The following TTI1 variants were observed in gnomAD, a reference collection of about 807,000 sequenced individuals.
The protein encoded by TTI1 is TELO2 interacting protein 1.
TTI1 carries 52 observed loss-of-function variants against 85.4 expected under a neutral mutation model. The ratio of observed to expected loss-of-function variants is 0.61; its 90% CI spans 0.49 to 0.77. TTI1 has a LOEUF of 0.77. TTI1 is among the 30% of genes least tolerant of loss of function. The pLI, the probability that TTI1 is intolerant of heterozygous loss-of-function variation, is 0.00. For synonymous variants in TTI1, 512 were observed against 503.9 expected (o/e 1.02, Z -0.22); for missense variants, 1,173 against 1,296.0 (o/e 0.91, Z 1.46).
chr20:38,010,306 C>T (rs1322762449), intron 2 of TTI1, among the ~76,000 whole-genome samples: 3 of 152,126 alleles, frequency 2.0e-5, no homozygotes, highest in Non-Finnish European at 4.4e-5. Flanking sequence ...GACCATTCCA[C>T]CTTCTCAGAG....
intron 1 of TTI1, among the ~76,000 whole-genome samples, chr20:38,027,075 C>T (rs914967355): frequency 3.9e-5 from 6 of 152,104 alleles, no homozygotes; most frequent in African/African-American, 1.4e-4. Flanking sequence ...AAGTAACCCA[C>T]AGGAAGGCTA....
intron 1 of TTI1, among the ~76,000 whole-genome samples, chr20:38,024,896 T>G (rs902739077): frequency 2.0e-5 from 3 of 152,038 alleles, no homozygotes; most frequent in African/African-American, 7.2e-5. Flanking sequence ...GGACACCTAG[T>G]CAGGACTTTC....
intron 7 of TTI1, among the ~76,000 whole-genome samples, chr20:37,995,138 C>G (rs562605463): frequency 3.3e-5 from 5 of 152,120 alleles, no homozygotes; most frequent in African/African-American, 7.2e-5. Context: ...TGATTCTGTA[C>G]GGAATAAAAA....
chr20:37,996,849 G>A lies in TTI1; in HGVS notation c.2898C>T (p.Ile966=). Residue 966 remains isoleucine, a synonymous_variant, in exon 6 of 8, where the codon ATC becomes ATT. Coordinates refer to ENST00000373447, the MANE Select transcript of TTI1 (RefSeq NM_001303457.2). ...AGTAAACTGGTCCAGCCCTGGCACT[G>A]ATGGGGGCCTGGGTGACTAGGGAGC... ...LAGSLVTQAP[I]SARAGPVYSH... 6.2e-7 allele frequency: 1 copy of A among 1,614,196 alleles called. No homozygotes were observed. The highest frequency in any genetic ancestry group is 8.5e-7 in the Non-Finnish European group (1 of 1,180,024).
intron 1 of TTI1, among the ~76,000 whole-genome samples, chr20:38,028,819 C>T (rs1267315256): frequency 6.6e-6 from 1 of 152,160 alleles, no homozygotes; most frequent in African/African-American, 2.4e-5. Context: ...AGCAATCCTC[C>T]CACCTCAGCG....
Position 38,002,775 on chromosome 20 carries a change from C to T in TTI1, c.2505G>A (p.Glu835=), listed in dbSNP as rs1450257064. The T allele has an allele frequency of 5.0e-6, 8 of 1,613,694 alleles. No homozygotes were observed. The highest frequency in any genetic ancestry group is 2.7e-5 in the African/African-American group (2 of 74,910). ...GNVSDFDNEE[E]EQSVPPKVDE... is the part of the protein sequence containing the mutation. ...CCACTTTGGGAGGGACTGACTGTTC[C>T]TCTGGAAAAAGAGCACAACTGGGGG... The change falls in exon 4 of 8, where the codon GAG becomes GAA. Residue 835 remains glutamate, a splice_region_variant and synonymous_variant. Coordinates refer to ENST00000373447, the MANE Select transcript of TTI1 (RefSeq NM_001303457.2).
At chr20:38,027,258 C>T (rs1223735556) in intron 1 of TTI1, among the ~76,000 whole-genome samples, 1 of 152,074 alleles carries the variant, frequency 6.6e-6, no homozygotes, top group Non-Finnish European at 1.5e-5. Flanking sequence ...CATGCATATC[C>T]TCCCATATAT....
Position 38,007,663 on chromosome 20 carries a change from G to A in TTI1, c.2303-1266C>T, listed in dbSNP as rs531676756. 2.0e-5 allele frequency among the ~76,000 whole-genome samples: 3 copies of A among 152,342 alleles called. No homozygotes were observed. In the East Asian group the frequency reaches 5.8e-4, roughly 29 times the overall value. ...GTCCAGTGCCCTCCTTTTGCAGACA[G>A]CTGGGAAAAAAACTCTGATAACCTT... On this transcript the variant is annotated intron_variant, in intron 2 of 7. Coordinates refer to ENST00000373447, the MANE Select transcript of TTI1 (RefSeq NM_001303457.2).
chr20:38,002,775 C>A lies in TTI1; in HGVS notation c.2505G>T (p.Glu835Asp). 1.2e-6 allele frequency: 2 copies of A among 1,613,812 alleles called. No individual in the cohort carries two copies. Among genetic ancestry groups the A allele is most frequent in the Non-Finnish European group, 1.7e-6 (2 of 1,179,852 alleles). Residue 835 changes from glutamate (E) to aspartate (D), a missense_variant and splice_region_variant, in exon 4 of 8, where the codon GAG becomes GAT. Glu to Asp is a conservative substitution (Grantham distance 45). Coordinates refer to ENST00000373447, the MANE Select transcript of TTI1 (RefSeq NM_001303457.2). The part of the protein sequence containing the change: ...GNVSDFDNEE[E>D]EQSVPPKVDE... ...CCACTTTGGGAGGGACTGACTGTTC[C>A]TCTGGAAAAAGAGCACAACTGGGGG...
chr20:38,007,267 T>C (rs1469462931), intron 2 of TTI1, among the ~76,000 whole-genome samples: 1 of 152,274 alleles, frequency 6.6e-6, no homozygotes, highest in African/African-American at 2.4e-5. Context: ...ATTTCTCACA[T>C]AAAATGCTTC....
At chr20:38,018,661 A>G (rs1363512485) in intron 1 of TTI1, among the ~76,000 whole-genome samples, 1 of 152,222 alleles carries the variant, frequency 6.6e-6, no homozygotes, top group Non-Finnish European at 1.5e-5. Context: ...AAAAACAAAG[A>G]AAAAGAGGAA....
chr20:38,006,510 C>G, intron 2 of TTI1, 113 bp from the exon 3 acceptor site: 1 of 1,167,624 alleles, frequency 8.6e-7, no homozygotes. Flanking sequence ...TGATTCAGTC[C>G]CTGCCTGGCT....
intron 1 of TTI1, among the ~76,000 whole-genome samples, chr20:38,032,735 C>G (rs1450801095): frequency 6.6e-6 from 1 of 152,142 alleles, no homozygotes; most frequent in Non-Finnish European, 1.5e-5. Context: ...CCATGCCTGG[C>G]TAATTTTCGC....
At position 37,999,298 on chromosome 20, in the gene TTI1, C is replaced by T; in HGVS notation, c.2683G>A (p.Val895Ile). 6.7e-7 allele frequency: 1 copy of T among 1,489,018 alleles called. No individual in the cohort carries two copies. The highest frequency in any genetic ancestry group is 9.0e-7 in the Non-Finnish European group (1 of 1,114,240). 92.2% of individuals were successfully genotyped at this position (1,489,018 alleles called of 1,614,324 possible). Residue 895 changes from valine (V) to isoleucine (I), a missense_variant, in exon 5 of 8, where the codon GTT becomes ATT. By Grantham distance (29) the Val-to-Ile change is conservative. Transcript: ENST00000373447. The part of the protein sequence containing the change: ...VLDVLDLCVV[V>I]LQSHKNQLLP... ...AGCTGGTTTTTGTGGGACTGAAGAA[C>T]AACCACACACAGATCCAGCACATCC...
intron 4 of TTI1, 31 bp downstream of exon 4, chr20:38,002,597 T>C: frequency 6.2e-7 from 1 of 1,610,484 alleles, no homozygotes; most frequent in Non-Finnish European, 8.5e-7. Context: ...CCTGCTACTC[T>C]GGGAATGCAG....
At chr20:38,030,244 G>A (rs2073889542) in intron 1 of TTI1, among the ~76,000 whole-genome samples, 1 of 151,120 alleles carries the variant, frequency 6.6e-6, no homozygotes, top group Non-Finnish European at 1.5e-5. Flanking sequence ...AGGGAGGAAG[G>A]AGGAAGGAGG....
chr20:38,032,910 C>G (rs2073935902), intron 1 of TTI1, among the ~76,000 whole-genome samples: 1 of 152,156 alleles, frequency 6.6e-6, no homozygotes, highest in South Asian at 2.1e-4. Flanking sequence ...TTCCCTCCAC[C>G]TTTTCCCTAA....
chr20:37,999,281 T>G lies in TTI1; in HGVS notation c.2700A>C (p.Lys900Asn). ...DLCVVVLQSH[K>N]NQLLPLAHQA... is the part of the protein sequence containing the mutation. Reference sequence around the variant, plus strand: ...GATGAGCCAAGGGAAGCAGCTGGTTTTTGTGGGACTGAAGAACAACCACAC... The same window carrying G: ...GATGAGCCAAGGGAAGCAGCTGGTTGTTGTGGGACTGAAGAACAACCACAC... The change falls in exon 5 of 8, where the codon AAA becomes AAC. Residue 900 changes from lysine (K) to asparagine (N), a missense_variant. Coordinates refer to ENST00000373447, the MANE Select transcript of TTI1 (RefSeq NM_001303457.2). The G allele has an allele frequency of 1.3e-6, 2 of 1,520,844 alleles. No individual in the cohort carries two copies. The highest frequency in any genetic ancestry group is 8.8e-7 in the Non-Finnish European group (1 of 1,131,674). The allele number at this position is 1,520,844 out of a possible 1,614,324, so 94.2% of individuals were successfully genotyped here.
intron 1 of TTI1, among the ~76,000 whole-genome samples, chr20:38,020,495 G>C (rs993507788): frequency 6.6e-6 from 1 of 150,906 alleles, no homozygotes; most frequent in Non-Finnish European, 1.5e-5. Flanking sequence ...GAAAAAAACT[G>C]ATAAATTGGA....
Sources: gnomAD v4.1 joint callset for allele counts (sites outside exome capture counted in the v4.1 genomes callset) on GRCh38, gnomAD v4.1.1 for gene constraint, MANE v1.5 for transcripts, NCBI Gene and HGNC (gene_info 2026-07-23, HGNC 2026-07-21) for gene names.